The following PDZRN4 variants were observed in gnomAD, a reference collection of about 807,000 sequenced individuals.
The protein encoded by PDZRN4 is PDZ domain containing ring finger 4.
A neutral mutation model predicts 99.0 loss-of-function variants in PDZRN4; 70 were observed. The ratio of observed to expected loss-of-function variants is 0.71; its 90% CI spans 0.58 to 0.86. PDZRN4 has a LOEUF of 0.86. PDZRN4 is among the 40% of genes least tolerant of loss of function. The pLI is 0.00. For missense variants in PDZRN4, 1,474 were observed against 1,331.2 expected (o/e 1.11, Z -1.67); for synonymous variants, 551 against 501.6 (o/e 1.10, Z -1.32).
chr12:41,263,008 A>G (rs1270661206), intron 3 of PDZRN4, among the ~76,000 whole-genome samples: 1 of 152,056 alleles, frequency 6.6e-6, no homozygotes, highest in Non-Finnish European at 1.5e-5. Context: ...CATAGTATAT[A>G]CTATTTAATA....
chr12:41,188,620 G>T lies in PDZRN4; in HGVS notation c.165G>T (p.Gln55His), dbSNP rs1192953863. The change falls in exon 1 of 10, where the codon CAG becomes CAT. Residue 55 changes from glutamine to histidine, a missense_variant. Physicochemically the swap from Gln to His is conservative, Grantham distance 24. Transcript: ENST00000402685. ...TGCGGAGGCGCCGGTGCCCGCTGCAGTGCCAGCCCTTGGCGCCCGGCGAGC... is the reference window on the plus strand; with the variant it reads ...TGCGGAGGCGCCGGTGCCCGCTGCATTGCCAGCCCTTGGCGCCCGGCGAGC... ...WAVRRRRCPL[Q>H]CQPLAPGELY... is the part of the protein sequence containing the mutation. The T allele has an allele frequency of 6.5e-7, 1 of 1,539,722 alleles. No individual in the cohort carries two copies. Among genetic ancestry groups the T allele is most frequent in the African/African-American group, 1.4e-5 (1 of 73,230 alleles).
chr12:41,385,150 G>C (rs1341816233), intron 3 of PDZRN4, among the ~76,000 whole-genome samples: 3 of 152,170 alleles, frequency 2.0e-5, no homozygotes, highest in Non-Finnish European at 4.4e-5. Context: ...AAATAATACT[G>C]TATAGTAGAA....
rs541461465 is a variant in PDZRN4, at chr12:41,406,785, G to A, written c.844-99671G>A. Reference sequence around the variant, plus strand: ...AGGCAGGAGAATCGTTTGAACCTGGGAGGCGGAGATTGCAGTGAGCCAAAA... The same window carrying A: ...AGGCAGGAGAATCGTTTGAACCTGGAAGGCGGAGATTGCAGTGAGCCAAAA... On this transcript the variant is annotated intron_variant, in intron 3 of 9. Transcript: ENST00000402685. 2.0e-5 allele frequency among the ~76,000 whole-genome samples: 3 copies of A among 149,628 alleles called. No homozygotes were observed. In the South Asian group the frequency reaches 6.4e-4, roughly 32 times the overall value.
At chr12:41,435,135 A>T (rs1425407599) in intron 3 of PDZRN4, among the ~76,000 whole-genome samples, 1 of 152,222 alleles carries the variant, frequency 6.6e-6, no homozygotes, top group Non-Finnish European at 1.5e-5. Flanking sequence ...TTCCTGAGAT[A>T]GAAACACAAG....
chr12:41,474,875 A>T (rs959713789), intron 3 of PDZRN4, among the ~76,000 whole-genome samples: 1 of 152,226 alleles, frequency 6.6e-6, no homozygotes, highest in East Asian at 1.9e-4. Context: ...AGGATGCACA[A>T]TTGATTCTGA....
intron 3 of PDZRN4, among the ~76,000 whole-genome samples, chr12:41,322,647 C>T (rs144335343): frequency 0.057 from 8,575 of 151,594 alleles, 816 homozygotes; most frequent in African/African-American, 0.2. Flanking sequence ...CCCACCACCA[C>T]GCCCGGCTAA....
At chr12:41,367,522 A>G (rs1952010136) in intron 3 of PDZRN4, among the ~76,000 whole-genome samples, 1 of 152,000 alleles carries the variant, frequency 6.6e-6, no homozygotes, top group Non-Finnish European at 1.5e-5. Context: ...ATAAATAAAT[A>G]AATAAAAAAG....
intron 3 of PDZRN4, among the ~76,000 whole-genome samples, chr12:41,309,543 A>G (rs917586730): frequency 5.9e-5 from 9 of 152,148 alleles, no homozygotes; most frequent in African/African-American, 1.9e-4. Context: ...CTGAGAATTA[A>G]GTTTTCAACA....
intron 3 of PDZRN4, among the ~76,000 whole-genome samples, chr12:41,388,148 C>A (rs1156515978): frequency 6.6e-6 from 1 of 151,980 alleles, no homozygotes. Context: ...GAGGACATTA[C>A]CATTAGCAAA....
At chr12:41,470,025 A>G (rs1050481231) in intron 3 of PDZRN4, among the ~76,000 whole-genome samples, 4 of 152,222 alleles carry the variant, frequency 2.6e-5, no homozygotes, top group Admixed American at 1.3e-4. Context: ...GGTCTTATGG[A>G]GTCTCCCTGT....
At chr12:41,514,551 A>G (rs891341609) in intron 5 of PDZRN4, among the ~76,000 whole-genome samples, 1 of 152,000 alleles carries the variant, frequency 6.6e-6, no homozygotes, top group African/African-American at 2.4e-5. Flanking sequence ...AGCTATATGG[A>G]TCTTAAGGCT....
chr12:41,281,066 G>A (rs146549484), intron 3 of PDZRN4, among the ~76,000 whole-genome samples: 1,751 of 148,632 alleles, frequency 0.012, 71 homozygotes, highest in East Asian at 0.1. Flanking sequence ...TGATACCCAG[G>A]TAAACAGGGT....
chr12:41,552,538 T>C, intron 5 of PDZRN4, 118 bp from the exon 6 acceptor site: 2 of 640,000 alleles, frequency 3.1e-6, no homozygotes, highest in Non-Finnish European at 5.2e-6. Flanking sequence ...TAATTTCCAA[T>C]GTTGGGCAAT....
chr12:41,412,801 A>G (rs1952410065), intron 3 of PDZRN4, among the ~76,000 whole-genome samples: 3 of 152,178 alleles, frequency 2.0e-5, no homozygotes, highest in Non-Finnish European at 4.4e-5. Flanking sequence ...TATAATAGCC[A>G]TAACTAGGCC....
At chr12:41,518,781 G>GT (rs1309872057) in intron 5 of PDZRN4, among the ~76,000 whole-genome samples, 1 of 151,752 alleles carries the variant, frequency 6.6e-6, no homozygotes, top group African/African-American at 2.4e-5. Context: ...GTGAGACCCC[G>GT]TATCTACAAA....
At chr12:41,310,014 CCT>C (rs766262242) in intron 3 of PDZRN4, among the ~76,000 whole-genome samples, 2 of 151,954 alleles carry the variant, frequency 1.3e-5, no homozygotes, top group Non-Finnish European at 2.9e-5. Context: ...CTCACTGCAA[CCT>C]CTGTCTCCTG....
chr12:41,387,367 T>C (rs1231701107), intron 3 of PDZRN4, among the ~76,000 whole-genome samples: 1 of 152,080 alleles, frequency 6.6e-6, no homozygotes, highest in Non-Finnish European at 1.5e-5. Flanking sequence ...GTGGATTGCC[T>C]AAGCTCAGGA....
chr12:41,245,847 T>C (rs1951130439), intron 3 of PDZRN4, among the ~76,000 whole-genome samples: 1 of 152,164 alleles, frequency 6.6e-6, no homozygotes, highest in Admixed American at 6.5e-5. Flanking sequence ...CACCCTTATG[T>C]CACATCTGCC....
chr12:41,446,635 CAGGACACAAAAGAAGCATA>C (rs1952731065), intron 3 of PDZRN4, among the ~76,000 whole-genome samples: 1 of 151,414 alleles, frequency 6.6e-6, no homozygotes, highest in African/African-American at 2.4e-5. Context: ...GATAGTAACA[CAGGACACAAAAGAAGCATA>C]AGGAAAAAAA....
Sources: allele counts gnomAD v4.1 joint callset (sites outside exome capture counted in the v4.1 genomes callset), GRCh38; gene constraint gnomAD v4.1.1; transcripts MANE v1.5; gene names NCBI Gene and HGNC (gene_info 2026-07-23, HGNC 2026-07-21).